The following CEP170 variants were observed in gnomAD, a reference collection of about 807,000 sequenced individuals.
CEP170 encodes the protein centrosomal protein 170.
Under a neutral mutation model 151.9 loss-of-function variants are expected in CEP170, and 21 were observed. The ratio of observed to expected loss-of-function variants is 0.14; its 90% confidence interval spans 0.10 to 0.20. The LOEUF is 0.20. CEP170 is among the 10% of genes least tolerant of loss of function. CEP170 has a pLI of 1.00. For missense variants in CEP170, 964 were observed against 1,892.9 expected (o/e 0.51, Z 9.11); for synonymous variants, 356 against 648.8 (o/e 0.55, Z 6.86).
intron 1 of CEP170, among the ~76,000 whole-genome samples, chr1:243,240,633 AT>A (rs71736622): frequency 0.86 from 115,313 of 134,160 alleles, 49,668 homozygotes; most frequent in East Asian, 0.96. Context: ...GGGTATCTGT[AT>A]TTTTTTTTTT....
intron 17 of CEP170, among the ~76,000 whole-genome samples, chr1:243,135,149 A>G (rs2054896521): frequency 6.6e-6 from 1 of 152,158 alleles, no homozygotes; most frequent in African/African-American, 2.4e-5. Context: ...TTTTAAATTA[A>G]TATTCTTTTA....
intron 1 of CEP170, among the ~76,000 whole-genome samples, chr1:243,229,360 T>C (rs892412052): frequency 1.4e-4 from 21 of 152,184 alleles, no homozygotes; most frequent in African/African-American, 4.8e-4. Context: ...CCCTCATGCT[T>C]TCTAAATGAC....
In CEP170 at chr1:243,185,995, C is replaced by T. The variant is rs376662497; in HGVS notation, c.1350G>A (p.Ser450=). ...KLLKQKSEEP[S]VSIPFLQTAL... is the part of the protein sequence containing the mutation. ...CAGTTTGTAGGAAGGGTATTGACAC[C>T]GATGGCTCCTCTGATTTCTGTTTTA... Residue 450 remains serine (S), a synonymous_variant, in exon 10 of 20, where the codon TCG becomes TCA. Transcript: ENST00000366542. The surrounding 1 kb of genome is among the most constrained non-coding windows in gnomAD (Gnocchi z 4.9). The T allele has an allele frequency of 2.2e-5, 36 of 1,613,630 alleles. No individual in the cohort carries two copies. Among genetic ancestry groups the T allele is most frequent in the South Asian group, 4.4e-5 (4 of 91,076 alleles).
At position 243,185,488 on chromosome 1, in the gene CEP170, C is replaced by A. The variant is rs1297165256; in HGVS notation, c.1566+291G>T. On this transcript the variant is annotated intron_variant, in intron 10 of 19. Transcript: ENST00000366542. The surrounding 1 kb of genome is among the most constrained non-coding windows in gnomAD (Gnocchi z 4.9). ...TTAAGCAAATGCAAAGCAAGAATGT[C>A]CAAAGCATACTATTTTTAAAACCTA... Among the ~76,000 whole-genome samples, 1 of 152,078 alleles carries A rather than the reference C, an allele frequency of 6.6e-6. No homozygotes were observed. The highest frequency in any genetic ancestry group is 1.5e-5 in the Non-Finnish European group (1 of 68,014).
chr1:243,187,782 T>C (rs1234229368), intron 8 of CEP170, among the ~76,000 whole-genome samples: 2 of 152,076 alleles, frequency 1.3e-5, no homozygotes. Flanking sequence ...AAAAATGTGG[T>C]GCATAAAAGG....
chr1:243,187,821 G>A (rs552404453), intron 8 of CEP170, among the ~76,000 whole-genome samples: 3 of 152,062 alleles, frequency 2.0e-5, no homozygotes, highest in Admixed American at 6.5e-5. Flanking sequence ...AGAGAACTGC[G>A]GAATGCACAG....
intron 10 of CEP170, among the ~76,000 whole-genome samples, chr1:243,177,096 C>T (rs1183744156): frequency 6.6e-6 from 1 of 152,172 alleles, no homozygotes; most frequent in Non-Finnish European, 1.5e-5. Context: ...GGTCAACTTT[C>T]ATGCAGATAA....
At chr1:243,206,413 G>A (rs1412608235) in intron 4 of CEP170, among the ~76,000 whole-genome samples, 2 of 152,216 alleles carry the variant, frequency 1.3e-5, no homozygotes, top group African/African-American at 4.8e-5. Context: ...GATTATAGGC[G>A]TGGGCCACCA....
At chr1:243,136,058 C>A in intron 17 of CEP170, 85 bp downstream of exon 17, 2 of 1,546,846 alleles carry the variant, frequency 1.3e-6, no homozygotes, top group Non-Finnish European at 1.7e-6. Flanking sequence ...TAAACATATT[C>A]ATTCTGATGA....
In CEP170 at chr1:243,132,729, C is replaced by T. The variant is rs549564026; in HGVS notation, c.4320-3276G>A. The stretch of plus-strand genomic sequence containing the variant: ...TTTTTCTTTGGGGGAGACTACAGAA[C>T]GTAGGAAAGCTGCTCCGTGGTAAGG... On this transcript the variant is annotated intron_variant, in intron 17 of 19. Transcript: ENST00000366542. 2.6e-5 allele frequency among the ~76,000 whole-genome samples: 4 copies of T among 152,220 alleles called. No homozygotes were observed. The East Asian group carries it at 5.8e-4, about 22-fold the overall frequency.
intron 3 of CEP170, among the ~76,000 whole-genome samples, chr1:243,220,475 C>T (rs2062697765): frequency 6.6e-6 from 1 of 151,658 alleles, no homozygotes; most frequent in Non-Finnish European, 1.5e-5. Flanking sequence ...AACAGGAAAA[C>T]ATGCCTACAA....
chr1:243,164,650 G>T lies in CEP170; in HGVS notation c.3310C>A (p.Arg1104Ser). 6.2e-7 allele frequency: 1 copy of T among 1,613,806 alleles called. No homozygotes were observed. The highest frequency in any genetic ancestry group is 8.5e-7 in the Non-Finnish European group (1 of 1,179,732). Reference protein sequence around the residue: ...RPRPTRTSLLRRARLGEASDS... With the variant: ...RPRPTRTSLLSRARLGEASDS... ...GAAGCTTCACCAAGTCGTGCTCTGC[G>T]CAAGAGGGAAGTCCTGGTAGGTCGT... The change falls in exon 13 of 20, where the codon CGC (arginine) becomes AGC (serine). Residue 1104 changes from arginine to serine, a missense_variant. Arg to Ser is a moderately radical substitution (Grantham distance 110). Coordinates refer to ENST00000366542, the MANE Select transcript of CEP170 (RefSeq NM_014812.3).
At chr1:243,217,395 T>C (rs1429569593) in intron 3 of CEP170, among the ~76,000 whole-genome samples, 1 of 152,212 alleles carries the variant, frequency 6.6e-6, no homozygotes, top group Non-Finnish European at 1.5e-5. Flanking sequence ...AAACACCACA[T>C]TTACTCAAAA....
chr1:243,168,294 G>A (rs1289876373), intron 12 of CEP170: 2 of 151,870 alleles, frequency 1.3e-5, no homozygotes, highest in African/African-American at 2.4e-5. Context: ...CAGATTTTTG[G>A]GGTGCCACAA....
chr1:243,189,568 A>T (rs2060173618), intron 8 of CEP170, among the ~76,000 whole-genome samples: 1 of 151,942 alleles, frequency 6.6e-6, no homozygotes, highest in African/African-American at 2.4e-5. Flanking sequence ...AAAAAAAAAA[A>T]AAAAAATAGT....
Position 243,166,134 on chromosome 1 carries a change from C to T in CEP170, c.1844-18G>A. Reference sequence around the variant, plus strand: ...CTCTGTCTCTATGAAATAAAAACCACAAAGAAGGAATTGATTAAGACAAAT... The same window carrying T: ...CTCTGTCTCTATGAAATAAAAACCATAAAGAAGGAATTGATTAAGACAAAT... On this transcript the variant is annotated intron_variant, in intron 12 of 19. Transcript: ENST00000366542. 6.2e-7 allele frequency: 1 copy of T among 1,611,190 alleles called. No individual in the cohort carries two copies. Among genetic ancestry groups the T allele is most frequent in the Non-Finnish European group, 8.5e-7 (1 of 1,178,614 alleles).
At position 243,156,816 on chromosome 1, in the gene CEP170, A is replaced by G. The variant is rs138470498; in HGVS notation, c.3677-361T>C. 6.7e-3 allele frequency: 1,094 copies of G among 163,734 alleles called. 6 individuals carry two copies. Among genetic ancestry groups the G allele is most frequent in the African/African-American group, 0.025 (1,020 of 40,866 alleles). 10.1% of individuals were successfully genotyped at this position (163,734 alleles called of 1,614,324 possible). The stretch of plus-strand genomic sequence containing the variant: ...AAATATTTCTTACTTGAGTGAAAAT[A>G]TGAATTTTTCAAAAAAAAAAAGACA... On this transcript the variant is annotated intron_variant, in intron 13 of 19. Transcript: ENST00000366542.
chr1:243,203,021 T>C (rs1197343000), intron 4 of CEP170, among the ~76,000 whole-genome samples: 3 of 152,024 alleles, frequency 2.0e-5, no homozygotes, highest in South Asian at 2.1e-4. Flanking sequence ...GTTCAAACAT[T>C]TTACCTTCCA....
At chr1:243,245,606 C>T (rs775846968) in intron 1 of CEP170, among the ~76,000 whole-genome samples, 70 of 151,954 alleles carry the variant, frequency 4.6e-4, no homozygotes, top group Non-Finnish European at 9.1e-4. Context: ...TCCAGCTACT[C>T]AGGAGGCTGA....
Sources: gnomAD v4.1 joint callset for allele counts (sites outside exome capture counted in the v4.1 genomes callset) on GRCh38, gnomAD v4.1.1 for gene constraint, Gnocchi (gnomAD v3.1) non-coding constraint, MANE v1.5 for transcripts, NCBI Gene and HGNC (gene_info 2026-07-23, HGNC 2026-07-21) for gene names.